The following DPP10 variants were observed in gnomAD, a reference collection of about 807,000 sequenced individuals.
DPP10 encodes inactive dipeptidyl peptidase 10.
In DPP10, 33 loss-of-function variants were observed where a neutral mutation model predicts 120.9. That is an observed-to-expected ratio of 0.27 (90% CI 0.21 to 0.37). The LOEUF (loss-of-function observed/expected upper bound fraction) is 0.37, where lower values mean the gene tolerates loss of function less well. Ranked by LOEUF, DPP10 falls within the 10% of genes least tolerant of loss-of-function variation. The probability of loss-of-function intolerance (pLI) is 1.00; values close to 1 mark genes in which losing one functional copy is unlikely to be tolerated. For missense variants in DPP10, 816 were observed against 942.8 expected, an observed-to-expected ratio of 0.87 and a Z score of 1.76; for synonymous variants, 337 against 326.1, an observed-to-expected ratio of 1.03 and a Z score of -0.36.
chr2:115,786,416 T>A (rs1464761390), intron 17 of DPP10, among the ~76,000 whole-genome samples: 3 of 152,194 alleles, frequency 2.0e-5, no homozygotes, highest in African/African-American at 7.2e-5. Flanking sequence ...TCAATCATAT[T>A]TGTTCAATGA....
intron 1 of DPP10, among the ~76,000 whole-genome samples, chr2:114,954,607 T>C (rs1485738529): frequency 1.3e-5 from 2 of 151,460 alleles, no homozygotes; most frequent in Non-Finnish European, 2.9e-5. Flanking sequence ...ATAATAAAGA[T>C]AAGAGCAGTA....
At chr2:115,758,974 G>A (rs1679769971) in intron 11 of DPP10, among the ~76,000 whole-genome samples, 1 of 152,126 alleles carries the variant, frequency 6.6e-6, no homozygotes, top group Non-Finnish European at 1.5e-5. Context: ...TACTGTCAGT[G>A]TTCTAGGGGA....
chr2:115,350,212 T>TAATATATTAATTG (rs2063937626), intron 3 of DPP10, among the ~76,000 whole-genome samples: 1 of 152,100 alleles, frequency 6.6e-6, no homozygotes, highest in Non-Finnish European at 1.5e-5. Flanking sequence ...TATGTGCAGA[T>TAATATATTAATTG]AATATATTAA....
intron 1 of DPP10, among the ~76,000 whole-genome samples, chr2:114,479,487 A>T (rs1680817545): frequency 6.6e-6 from 1 of 152,194 alleles, no homozygotes; most frequent in Admixed American, 6.5e-5. Context: ...TGTAGAAAAG[A>T]TAGCCTTTTC....
chr2:114,969,091 C>T (rs925263297), intron 1 of DPP10, among the ~76,000 whole-genome samples: 4 of 152,142 alleles, frequency 2.6e-5, no homozygotes, highest in African/African-American at 9.7e-5. Context: ...CAAATGAAGT[C>T]TTTTTATTTA....
chr2:114,489,149 C>T (rs921064050), intron 1 of DPP10, among the ~76,000 whole-genome samples: 2 of 152,204 alleles, frequency 1.3e-5, no homozygotes, highest in African/African-American at 4.8e-5. Flanking sequence ...GAAATGTCAT[C>T]CATGCCCGGA....
At chr2:115,827,414 GTATATATA>G (rs70941101) in intron 21 of DPP10, among the ~76,000 whole-genome samples, 21 of 75,438 alleles carry the variant, frequency 2.8e-4, no homozygotes, top group African/African-American at 1.0e-3. Flanking sequence ...ATGTGTGTGT[GTATATATA>G]TATATATATA....
chr2:115,660,300 A>T (rs1004051198), intron 5 of DPP10, among the ~76,000 whole-genome samples: 1 of 152,082 alleles, frequency 6.6e-6, no homozygotes, highest in Non-Finnish European at 1.5e-5. Context: ...ATCAAGGTGA[A>T]CTTTTTTAGA....
At chr2:114,610,109 C>G (rs1422240977) in intron 1 of DPP10, among the ~76,000 whole-genome samples, 1 of 152,182 alleles carries the variant, frequency 6.6e-6, no homozygotes, top group African/African-American at 2.4e-5. Flanking sequence ...AATAGCATCT[C>G]CATCTTACGG....
At chr2:115,823,900 A>G (rs1211096036) in intron 21 of DPP10, among the ~76,000 whole-genome samples, 1 of 152,224 alleles carries the variant, frequency 6.6e-6, no homozygotes, top group Non-Finnish European at 1.5e-5. Flanking sequence ...CCTCAAGGAA[A>G]GAAAAGATGA....
intron 1 of DPP10, among the ~76,000 whole-genome samples, chr2:115,007,375 C>A (rs537883879): frequency 6.6e-6 from 1 of 152,142 alleles, no homozygotes; most frequent in South Asian, 2.1e-4. Context: ...AATTCAACAA[C>A]CTTTCATGCT....
At chr2:115,748,322 A>G (rs1678267755) in intron 10 of DPP10, among the ~76,000 whole-genome samples, 1 of 151,670 alleles carries the variant, frequency 6.6e-6, no homozygotes, top group Admixed American at 6.6e-5. Context: ...GAATCATATT[A>G]TGTTTCTCAG....
chr2:115,434,908 CAT>C (rs1304823095), intron 3 of DPP10, among the ~76,000 whole-genome samples: 2 of 151,740 alleles, frequency 1.3e-5, no homozygotes, highest in African/African-American at 2.4e-5. Context: ...TTAGCTTCCA[CAT>C]GAGTGATAAA....
intron 5 of DPP10, among the ~76,000 whole-genome samples, chr2:115,606,864 G>A (rs2083736695): frequency 6.6e-6 from 1 of 152,036 alleles, no homozygotes; most frequent in African/African-American, 2.4e-5. Flanking sequence ...TATTGATATG[G>A]GAGATAAAAA....
At chr2:114,577,607 A>G (rs1044615819) in intron 1 of DPP10, among the ~76,000 whole-genome samples, 6 of 152,186 alleles carry the variant, frequency 3.9e-5, no homozygotes, top group Non-Finnish European at 2.9e-5. Flanking sequence ...AGTAACAGGC[A>G]TGACAGCAAC....
chr2:115,279,771 T>C (rs1427861588), intron 1 of DPP10, among the ~76,000 whole-genome samples: 2 of 150,110 alleles, frequency 1.3e-5, no homozygotes, highest in African/African-American at 2.4e-5. Flanking sequence ...AAGCGATTCT[T>C]ATGTCTCAGC....
chr2:115,446,134 C>T (rs547983438), intron 3 of DPP10, among the ~76,000 whole-genome samples: 4 of 152,332 alleles, frequency 2.6e-5, no homozygotes, highest in East Asian at 3.9e-4. Flanking sequence ...AGGGTGCAAG[C>T]GCCAAGCCTT....
chr2:115,755,940 G>GTC (rs1679341205), intron 11 of DPP10, among the ~76,000 whole-genome samples: 1 of 119,542 alleles, frequency 8.4e-6, no homozygotes, highest in South Asian at 2.8e-4. Flanking sequence ...AAGTGTGTGT[G>GTC]TGTGTATATA....
chr2:115,601,204 A>G (rs2083300062), intron 5 of DPP10, among the ~76,000 whole-genome samples: 1 of 152,244 alleles, frequency 6.6e-6, no homozygotes, highest in East Asian at 1.9e-4. Context: ...AGTGGTGACT[A>G]GAATTGAAAA....
Sources: allele counts gnomAD v4.1 joint callset (sites outside exome capture counted in the v4.1 genomes callset), GRCh38; gene constraint gnomAD v4.1.1; transcripts MANE v1.5; gene names NCBI Gene and HGNC (gene_info 2026-07-23, HGNC 2026-07-21).